SNTG1: variants seen among roughly 807,000 people sequenced by gnomAD.
SNTG1 encodes the protein syntrophin gamma 1, also known as gamma-1-syntrophin.
A neutral mutation model predicts 74.7 loss-of-function variants in SNTG1; 39 were observed. The observed-to-expected ratio is 0.52, with a 90% confidence interval of 0.40 to 0.68. The LOEUF is 0.68. SNTG1 is among the 30% of genes least tolerant of loss of function. SNTG1 has a pLI of 0.00. For synonymous variants in SNTG1, 254 were observed against 217.1 expected, an observed-to-expected ratio of 1.17 and a Z score of -1.49; for missense variants, 685 against 609.5, an observed-to-expected ratio of 1.12 and a Z score of -1.30.
intron 1 of SNTG1, among the ~76,000 whole-genome samples, chr8:50,065,914 G>A (rs1182273677): frequency 2.0e-5 from 3 of 152,058 alleles, no homozygotes; most frequent in Non-Finnish European, 2.9e-5. Flanking sequence ...TAGTTTCTCA[G>A]CTTAAAATAA....
At chr8:50,059,358 C>G (rs532801118) in intron 1 of SNTG1, among the ~76,000 whole-genome samples, 1 of 152,062 alleles carries the variant, frequency 6.6e-6, no homozygotes, top group African/African-American at 2.4e-5. Flanking sequence ...ATTCACACAG[C>G]TTATAACTCA....
At chr8:50,594,883 G>T (rs2094716275) in intron 13 of SNTG1, among the ~76,000 whole-genome samples, 1 of 151,956 alleles carries the variant, frequency 6.6e-6, no homozygotes, top group Non-Finnish European at 1.5e-5. Context: ...AAGCTTTGTG[G>T]CATTATAACT....
intron 1 of SNTG1, among the ~76,000 whole-genome samples, chr8:50,162,648 C>T (rs890360584): frequency 2.6e-5 from 4 of 152,106 alleles, no homozygotes; most frequent in Admixed American, 6.5e-5. Flanking sequence ...TTCGTTAGCC[C>T]GCTGGATCTC....
At chr8:50,364,051 C>A (rs2092039147) in intron 2 of SNTG1, among the ~76,000 whole-genome samples, 2 of 152,162 alleles carry the variant, frequency 1.3e-5, no homozygotes, top group South Asian at 4.1e-4. Context: ...TGGAAGCTCT[C>A]AGAATCCCTT....
intron 2 of SNTG1, among the ~76,000 whole-genome samples, chr8:50,282,625 G>T (rs1206909707): frequency 6.6e-6 from 1 of 151,900 alleles, no homozygotes; most frequent in Non-Finnish European, 1.5e-5. Flanking sequence ...AATTAGTCAG[G>T]CATGGTGGCA....
intron 2 of SNTG1, among the ~76,000 whole-genome samples, chr8:50,264,591 A>G (rs1365618391): frequency 6.6e-6 from 1 of 151,656 alleles, no homozygotes; most frequent in East Asian, 1.9e-4. Context: ...AAAAAGAAGA[A>G]AGAAACCAGA....
At chr8:50,137,597 G>C (rs1283498143) in intron 1 of SNTG1, among the ~76,000 whole-genome samples, 1 of 152,190 alleles carries the variant, frequency 6.6e-6, no homozygotes, top group African/African-American at 2.4e-5. Context: ...AAGCAAAGCA[G>C]CAAGAAGGCG....
intron 1 of SNTG1, among the ~76,000 whole-genome samples, chr8:50,152,847 C>T (rs1037179881): frequency 1.3e-5 from 2 of 152,120 alleles, no homozygotes; most frequent in African/African-American, 2.4e-5. Context: ...ATTTTTTCCT[C>T]CATTTCAACT....
chr8:50,735,114 C>G (rs1446334576), intron 17 of SNTG1, among the ~76,000 whole-genome samples: 1 of 151,148 alleles, frequency 6.6e-6, no homozygotes, highest in African/African-American at 2.4e-5. Flanking sequence ...GAAACAGAAA[C>G]TCTGTAACTA....
Position 50,580,683 on chromosome 8 carries a change from T to C in SNTG1, c.811-10196T>C, listed in dbSNP as rs1271086809. ...GGCACTTCTCCTTGCTGCCACAATATGATGAAGGACGTCTTTGCTTCCCCT... is the reference window on the plus strand; with the variant it reads ...GGCACTTCTCCTTGCTGCCACAATACGATGAAGGACGTCTTTGCTTCCCCT... On this transcript the variant is annotated intron_variant, in intron 12 of 18. Transcript: ENST00000642720. 3.9e-5 allele frequency among the ~76,000 whole-genome samples: 6 copies of C among 152,202 alleles called. No homozygotes were observed. In the South Asian group the frequency reaches 1.0e-3, roughly 26 times the overall value.
At chr8:50,514,374 C>T (rs865972581) in intron 9 of SNTG1, among the ~76,000 whole-genome samples, 11 of 152,074 alleles carry the variant, frequency 7.2e-5, no homozygotes, top group African/African-American at 2.4e-4. Context: ...AAAATTTTCT[C>T]TCTTTGTAAT....
At chr8:50,461,456 G>A (rs1279757104) in intron 8 of SNTG1, among the ~76,000 whole-genome samples, 1 of 152,054 alleles carries the variant, frequency 6.6e-6, no homozygotes, top group African/African-American at 2.4e-5. Flanking sequence ...GCTTTACTGT[G>A]TGAGGGCAGG....
chr8:50,641,081 A>G (rs1038517276), intron 13 of SNTG1, among the ~76,000 whole-genome samples: 2 of 152,184 alleles, frequency 1.3e-5, no homozygotes, highest in Non-Finnish European at 2.9e-5. Flanking sequence ...TCCTTCTGCT[A>G]TATGCCTGAA....
chr8:50,362,100 T>C (rs1176946127), intron 2 of SNTG1, among the ~76,000 whole-genome samples: 1 of 152,104 alleles, frequency 6.6e-6, no homozygotes, highest in Non-Finnish European at 1.5e-5. Flanking sequence ...GTTTCCAGTG[T>C]CTTTCCAATT....
At chr8:50,750,958 A>G (rs979266273) in intron 17 of SNTG1, among the ~76,000 whole-genome samples, 14 of 152,128 alleles carry the variant, frequency 9.2e-5, no homozygotes, top group African/African-American at 3.1e-4. Context: ...TTATTCTGAA[A>G]AAGATGTGAG....
At chr8:50,279,116 C>T (rs545228288) in intron 2 of SNTG1, among the ~76,000 whole-genome samples, 1 of 152,116 alleles carries the variant, frequency 6.6e-6, no homozygotes, top group East Asian at 1.9e-4. Context: ...TTAAATGATG[C>T]ATAAAAAATG....
At chr8:50,591,723 T>G (rs1314071181) in intron 13 of SNTG1, among the ~76,000 whole-genome samples, 3 of 152,230 alleles carry the variant, frequency 2.0e-5, no homozygotes, top group Non-Finnish European at 4.4e-5. Context: ...CAAATCAGCC[T>G]CCAAAGCCAT....
chr8:50,022,053 C>T (rs1007003547), intron 1 of SNTG1, among the ~76,000 whole-genome samples: 1 of 151,906 alleles, frequency 6.6e-6, no homozygotes, highest in African/African-American at 2.4e-5. Context: ...CACAGTAATT[C>T]AAAAATTCAG....
At chr8:50,658,956 T>G (rs544471885) in intron 15 of SNTG1, among the ~76,000 whole-genome samples, 1 of 151,910 alleles carries the variant, frequency 6.6e-6, no homozygotes, top group African/African-American at 2.4e-5. Context: ...AAGAAGAAAA[T>G]TCAGTTGAAA....
Sources: allele counts gnomAD v4.1 joint callset (sites outside exome capture counted in the v4.1 genomes callset), GRCh38; gene constraint gnomAD v4.1.1; transcripts MANE v1.5; gene names NCBI Gene and HGNC (gene_info 2026-07-23, HGNC 2026-07-21).